PTPRN2: variants seen among roughly 807,000 people sequenced by gnomAD.
PTPRN2 encodes protein tyrosine phosphatase receptor type N2.
In PTPRN2, 74 loss-of-function variants were observed where a neutral mutation model predicts 118.8. The ratio of observed to expected loss-of-function variants is 0.62; its 90% CI spans 0.52 to 0.76. The LOEUF is 0.76. Ranked by LOEUF, PTPRN2 falls within the 30% of genes least tolerant of loss-of-function variation. The probability of loss-of-function intolerance (pLI) is 0.00; values close to 1 mark genes in which losing one functional copy is unlikely to be tolerated. For missense variants in PTPRN2, 1,481 were observed against 1,394.4 expected, an observed-to-expected ratio of 1.06 and a Z score of -0.99; for synonymous variants, 641 against 608.0, an observed-to-expected ratio of 1.05 and a Z score of -0.80.
chr7:158,070,790 TGGTGG>T (rs1811284778), intron 11 of PTPRN2, among the ~76,000 whole-genome samples: 3 of 117,772 alleles, frequency 2.5e-5, no homozygotes, highest in Admixed American at 8.3e-5. Context: ...GTGCCCGTGG[TGGTGG>T]AGGTGCCCGT....
At chr7:157,949,295 G>C (rs1800672720) in intron 11 of PTPRN2, among the ~76,000 whole-genome samples, 1 of 152,206 alleles carries the variant, frequency 6.6e-6, no homozygotes, top group Non-Finnish European at 1.5e-5. Flanking sequence ...AATGTACCAA[G>C]TGCCACTGAA....
chr7:158,049,897 C>T (rs1251732103), intron 11 of PTPRN2, among the ~76,000 whole-genome samples: 2 of 107,272 alleles, frequency 1.9e-5, no homozygotes, highest in African/African-American at 4.1e-5. Flanking sequence ...AGCAAGATTC[C>T]ATCTCAAAAA....
intron 2 of PTPRN2, among the ~76,000 whole-genome samples, chr7:158,485,678 G>A (rs904173855): frequency 6.6e-6 from 1 of 151,638 alleles, no homozygotes; most frequent in Non-Finnish European, 1.5e-5. Context: ...GAGCTCAAAG[G>A]GAATGGTGGT....
intron 2 of PTPRN2, among the ~76,000 whole-genome samples, chr7:158,446,392 G>A (rs1817726605): frequency 6.6e-6 from 1 of 152,156 alleles, no homozygotes; most frequent in Non-Finnish European, 1.5e-5. Context: ...GACCACGCTG[G>A]GCCCACTCAC....
chr7:157,670,259 C>T (rs748992646), intron 13 of PTPRN2, among the ~76,000 whole-genome samples: 7 of 152,182 alleles, frequency 4.6e-5, no homozygotes, highest in Non-Finnish European at 7.3e-5. Flanking sequence ...TCACGGGACC[C>T]GCGGTCAGCT....
intron 3 of PTPRN2, among the ~76,000 whole-genome samples, chr7:158,312,109 CCA>C (rs1190054674): frequency 2.8e-5 from 3 of 105,752 alleles, no homozygotes; most frequent in African/African-American, 1.3e-4. Flanking sequence ...ATGTAGACGC[CCA>C]CACAAGGCAA....
At chr7:158,275,364 C>T (rs1375856656) in intron 3 of PTPRN2, among the ~76,000 whole-genome samples, 1 of 152,238 alleles carries the variant, frequency 6.6e-6, no homozygotes, top group Admixed American at 6.5e-5. Context: ...CTTCACTGTG[C>T]TGGCAGACCC....
At chr7:157,840,744 C>T (rs1045164923) in intron 12 of PTPRN2, among the ~76,000 whole-genome samples, 3 of 152,258 alleles carry the variant, frequency 2.0e-5, no homozygotes, top group Non-Finnish European at 4.4e-5. Context: ...AGCGTTTTCA[C>T]CCAGTGGGTT....
At chr7:157,852,259 T>C (rs544466483) in intron 12 of PTPRN2, among the ~76,000 whole-genome samples, 1 of 152,382 alleles carries the variant, frequency 6.6e-6, no homozygotes, top group Non-Finnish European at 1.5e-5. Context: ...AGTATTTTTT[T>C]AAAAGTCAGT....
intron 12 of PTPRN2, among the ~76,000 whole-genome samples, chr7:157,717,734 G>A (rs530343850): frequency 7.7e-4 from 118 of 152,348 alleles, no homozygotes; most frequent in African/African-American, 2.8e-3. Context: ...GCCGGGGCAC[G>A]CAGCAGGCAC....
chr7:157,857,659 C>G (rs907118101), intron 12 of PTPRN2: 12 of 152,312 alleles, frequency 7.9e-5, no homozygotes, highest in African/African-American at 2.7e-4. Flanking sequence ...CTCTGAGGTC[C>G]GTGCCCTGAG....
Position 157,622,569 on chromosome 7 carries a change from G to A in PTPRN2, c.2197-1060C>T, listed in dbSNP as rs985151411. Among the ~76,000 whole-genome samples the A allele has an allele frequency of 5.9e-5, 9 of 152,154 alleles. No homozygotes were observed. Among genetic ancestry groups the A allele is most frequent in the East Asian group, 3.9e-4 (2 of 5,166 alleles). ...GGCGAGGCGGGAATCTCAGGTCATC[G>A]TGCCGTCTAGTGGAAGTTTTGACCA... On this transcript the variant is annotated intron_variant, in intron 14 of 22. Transcript: ENST00000389418. The surrounding 1 kb of genome is among the most constrained non-coding windows in gnomAD (Gnocchi z 5.3).
intron 3 of PTPRN2, among the ~76,000 whole-genome samples, chr7:158,281,958 C>T (rs1461592171): frequency 6.6e-6 from 1 of 152,214 alleles, no homozygotes; most frequent in Non-Finnish European, 1.5e-5. Flanking sequence ...GCTCCCAGCT[C>T]AAAGCCCAGC....
At chr7:158,238,803 T>C (rs1795724643) in intron 3 of PTPRN2, among the ~76,000 whole-genome samples, 1 of 151,912 alleles carries the variant, frequency 6.6e-6, no homozygotes, top group South Asian at 2.1e-4. Flanking sequence ...CAAGGAGGAC[T>C]CCCCTGCAAG....
At chr7:157,656,859 C>T (rs937977279) in intron 13 of PTPRN2, among the ~76,000 whole-genome samples, 2 of 56,514 alleles carry the variant, frequency 3.5e-5, no homozygotes, top group African/African-American at 5.0e-5. Context: ...CACACACACA[C>T]ATCACACATA....
chr7:158,167,550 T>G (rs1823143998), intron 5 of PTPRN2, among the ~76,000 whole-genome samples: 1 of 152,216 alleles, frequency 6.6e-6, no homozygotes, highest in Non-Finnish European at 1.5e-5. Flanking sequence ...AATATCAGCT[T>G]TATGGAGATA....
rs1802831864 is a variant in PTPRN2 at position 157,977,402 on chromosome 7, C to T, written c.1724-78665G>A. Among the ~76,000 whole-genome samples, 1 of 151,828 alleles carries T rather than the reference C, an allele frequency of 6.6e-6. No individual in the cohort carries two copies. The highest frequency in any genetic ancestry group is 2.4e-5 in the African/African-American group (1 of 41,384). On this transcript the variant is annotated intron_variant, in intron 11 of 22. Transcript: ENST00000389418. This position sits in a 1 kb window ranked among gnomAD's most constrained non-coding sequence, Gnocchi z 4.6. ...GGGGTGGGAGGGGTTTATCAGAGAT[C>T]TGGGAGCCAGGAAAGGTCTCCTGAG...
chr7:157,777,311 C>A (rs978570151), intron 12 of PTPRN2, among the ~76,000 whole-genome samples: 3 of 152,086 alleles, frequency 2.0e-5, no homozygotes, highest in African/African-American at 7.3e-5. Context: ...GGGCCATGCA[C>A]TGTGACTTCC....
At chr7:158,300,618 G>A (rs1274516850) in intron 3 of PTPRN2, among the ~76,000 whole-genome samples, 1 of 152,252 alleles carries the variant, frequency 6.6e-6, no homozygotes, top group Non-Finnish European at 1.5e-5. Context: ...CTGTGCTCAT[G>A]TGGCCCTAAG....
Sources: allele counts gnomAD v4.1 joint callset (sites outside exome capture counted in the v4.1 genomes callset), GRCh38; gene constraint gnomAD v4.1.1; non-coding constraint Gnocchi (gnomAD v3.1); transcripts MANE v1.5; gene names NCBI Gene and HGNC (gene_info 2026-07-23, HGNC 2026-07-21).